Variants in SVOPL observed in about 807,000 individuals in gnomAD.
SVOPL encodes putative transporter SVOPL.
Under a neutral mutation model 61.0 loss-of-function variants are expected in SVOPL, and 60 were observed. That is an observed-to-expected ratio of 0.98 (90% CI 0.80 to 1.22). The LOEUF (loss-of-function observed/expected upper bound fraction) is 1.22, where lower values mean the gene tolerates loss of function less well. Ranked by LOEUF, SVOPL falls within the 50% of genes most tolerant of loss-of-function variation. SVOPL has a pLI of 0.00. For missense variants in SVOPL, 662 were observed against 643.9 expected, an observed-to-expected ratio of 1.03 and a Z score of -0.30; for synonymous variants, 279 against 250.0, an observed-to-expected ratio of 1.12 and a Z score of -1.09.
chr7:138,609,633 T>C (rs1798905505), intron 14 of SVOPL, among the ~76,000 whole-genome samples: 1 of 148,944 alleles, frequency 6.7e-6, no homozygotes, highest in Admixed American at 6.9e-5. Context: ...CCTGTCAGCC[T>C]GGGCAACAGA....
chr7:138,686,232 G>A (rs1265081151), intron 1 of SVOPL, among the ~76,000 whole-genome samples: 7 of 151,656 alleles, frequency 4.6e-5, no homozygotes, highest in East Asian at 2.0e-4. Flanking sequence ...GTGAAAACCC[G>A]TCTCTACTAA....
At chr7:138,662,138 T>C (rs1802029043) in intron 5 of SVOPL, 2 of 985,388 alleles carry the variant, frequency 2.0e-6, no homozygotes, top group Non-Finnish European at 2.4e-6. Context: ...TTTCTGTCCC[T>C]GGACGGGACA....
chr7:138,674,712 T>G (rs1039058432), intron 3 of SVOPL, among the ~76,000 whole-genome samples: 2 of 151,892 alleles, frequency 1.3e-5, no homozygotes, highest in Admixed American at 1.3e-4. Context: ...AAAAATTAGC[T>G]GGGCGTGGTG....
At chr7:138,699,025 G>T (rs925157135) in intron 1 of SVOPL, among the ~76,000 whole-genome samples, 1 of 152,186 alleles carries the variant, frequency 6.6e-6, no homozygotes, top group Non-Finnish European at 1.5e-5. Context: ...GGTAGCACAT[G>T]CCTGTAGTCC....
chr7:138,621,982 CTATCTATG>C (rs1942193880), intron 13 of SVOPL, among the ~76,000 whole-genome samples: 2 of 37,090 alleles, frequency 5.4e-5, no homozygotes, highest in African/African-American at 1.3e-4. Flanking sequence ...ATGTATCTAT[CTATCTATG>C]TATCTATCTA....
intron 3 of SVOPL, among the ~76,000 whole-genome samples, chr7:138,678,185 C>A (rs1197282672): frequency 6.6e-6 from 1 of 152,052 alleles, no homozygotes; most frequent in Non-Finnish European, 1.5e-5. Context: ...GTCCCCCCTC[C>A]CCCACCACTC....
chr7:138,622,398 G>A (rs902253541), intron 13 of SVOPL, among the ~76,000 whole-genome samples: 2 of 152,060 alleles, frequency 1.3e-5, no homozygotes, highest in African/African-American at 4.8e-5. Flanking sequence ...GGGTTCAACC[G>A]ATTCACCTGC....
chr7:138,642,287 C>CAAAAAAAA (rs79469915), intron 9 of SVOPL, among the ~76,000 whole-genome samples: 65 of 111,624 alleles, frequency 5.8e-4, no homozygotes, highest in African/African-American at 2.0e-3. Context: ...GGAAATTAGC[C>CAAAAAAAA]AAAAAAAAAA....
chr7:138,632,791 T>C (rs1448600511), intron 9 of SVOPL, among the ~76,000 whole-genome samples: 3 of 152,082 alleles, frequency 2.0e-5, no homozygotes, highest in Non-Finnish European at 4.4e-5. Context: ...ACCTCAGTGC[T>C]CCTCAGTCCT....
intron 1 of SVOPL, among the ~76,000 whole-genome samples, chr7:138,697,623 A>G (rs1563142052): frequency 2.8e-5 from 4 of 144,526 alleles, no homozygotes; most frequent in African/African-American, 1.1e-4. Flanking sequence ...AAAAAAAAAA[A>G]AAAAAAAGAA....
chr7:138,657,609 CTT>C (rs1221407096), intron 6 of SVOPL, among the ~76,000 whole-genome samples: 2 of 152,172 alleles, frequency 1.3e-5, no homozygotes, highest in Non-Finnish European at 2.9e-5. Flanking sequence ...TCTAATTGCT[CTT>C]CTCTGTTGCT....
chr7:138,686,194 G>A (rs1179333302), intron 1 of SVOPL, among the ~76,000 whole-genome samples: 1 of 152,022 alleles, frequency 6.6e-6, no homozygotes, highest in African/African-American at 2.4e-5. Context: ...CCTGAGGTCA[G>A]GAGTTCGAGA....
At chr7:138,634,562 CACTTGAGCTCAGCA>C (rs1351211459) in intron 9 of SVOPL, among the ~76,000 whole-genome samples, 2 of 151,912 alleles carry the variant, frequency 1.3e-5, no homozygotes, top group Non-Finnish European at 2.9e-5. Flanking sequence ...GCAGGAGGAT[CACTTGAGCTCAGCA>C]GGTTGAGGCT....
intron 4 of SVOPL, among the ~76,000 whole-genome samples, chr7:138,669,349 G>A (rs555593743): frequency 8.5e-5 from 13 of 152,184 alleles, no homozygotes; most frequent in African/African-American, 1.4e-4. Context: ...TCAAAGCTGC[G>A]GTGAGCTATG....
At chr7:138,669,641 G>C (rs7796576) in intron 4 of SVOPL, among the ~76,000 whole-genome samples, 75,577 of 151,846 alleles carry the variant, frequency 0.5, 19,404 homozygotes, top group African/African-American at 0.62. Flanking sequence ...CCTGTAATGC[G>C]TGCCTCACTC....
intron 10 of SVOPL, 32 bp downstream of exon 10, chr7:138,630,017 T>C (rs777188510): frequency 6.3e-7 from 1 of 1,591,096 alleles, no homozygotes; most frequent in Non-Finnish European, 8.6e-7. Flanking sequence ...TGCCTCTATT[T>C]AAAACTAGCT....
At position 138,678,643 on chromosome 7, in the gene SVOPL, T is replaced by A. The variant is rs1006204969; in HGVS notation, c.83-118A>T. On this transcript the variant is annotated intron_variant, in intron 2 of 15. Transcript: ENST00000674285. ...AAAACAAGTTAATACGGGGGGTCAG[T>A]GGTAGGCAACCTCTGCCTACTGGTC... 9 of 974,150 alleles carry A rather than the reference T, an allele frequency of 9.2e-6. No homozygotes were observed. The Admixed American group carries it at 1.2e-4, about 13-fold the overall frequency. 60.3% of individuals were successfully genotyped at this position (974,150 alleles called of 1,614,324 possible). A position where few individuals can be genotyped will look rare whatever the true frequency, so the allele number is the denominator to read the frequency against.
At chr7:138,674,973 C>T (rs191073171) in intron 3 of SVOPL, among the ~76,000 whole-genome samples, 42 of 152,232 alleles carry the variant, frequency 2.8e-4, no homozygotes, top group African/African-American at 9.4e-4. Flanking sequence ...CTACTTGTCC[C>T]TTGAAATGTG....
intron 13 of SVOPL, among the ~76,000 whole-genome samples, chr7:138,621,864 ATCTATCTATCTATCT>A (rs1407564793): frequency 1.4e-5 from 2 of 143,522 alleles, no homozygotes; most frequent in Non-Finnish European, 3.0e-5. Flanking sequence ...CTATCTATCT[ATCTATCTATCTATCT>A]ATCTATCTAT....
Sources: allele counts gnomAD v4.1 joint callset (sites outside exome capture counted in the v4.1 genomes callset), GRCh38; gene constraint gnomAD v4.1.1; transcripts MANE v1.5; gene names NCBI Gene and HGNC (gene_info 2026-07-23, HGNC 2026-07-21).